Variants in IQSEC1 observed in about 807,000 individuals in gnomAD.
IQSEC1 encodes IQ motif and Sec7 domain ArfGEF 1, also known as IQ motif and SEC7 domain-containing protein 1.
In IQSEC1, 31 loss-of-function variants were observed where a neutral mutation model predicts 91.0. That is an observed-to-expected ratio of 0.34 (90% CI 0.26 to 0.46). The LOEUF is 0.46. Among genes scored for constraint, IQSEC1 ranks in the 20% least tolerant of loss-of-function variants. The pLI is 1.00. For synonymous variants in IQSEC1, 699 were observed against 662.6 expected (o/e 1.05, Z -0.84); for missense variants, 1,388 against 1,575.6 (o/e 0.88, Z 2.02).
At chr3:13,192,254 C>T (rs1172834512) in intron 1 of IQSEC1, among the ~76,000 whole-genome samples, 3 of 151,184 alleles carry the variant, frequency 2.0e-5, no homozygotes, top group East Asian at 2.0e-4. Context: ...AGGAAAATGG[C>T]GTGACCCCGG....
chr3:13,083,636 G>T (rs1476840263), intron 2 of IQSEC1, among the ~76,000 whole-genome samples: 1 of 152,282 alleles, frequency 6.6e-6, no homozygotes, highest in East Asian at 1.9e-4. Flanking sequence ...CTGGCCTGTG[G>T]CCGCAGGGTC....
At chr3:12,997,044 T>C (rs1452933406) in intron 1 of IQSEC1, among the ~76,000 whole-genome samples, 2 of 152,194 alleles carry the variant, frequency 1.3e-5, no homozygotes, top group African/African-American at 4.8e-5. Context: ...CAGCACTGTG[T>C]GTACCAGTAA....
In IQSEC1 at chr3:12,935,942, C is replaced by T; in HGVS notation, c.1074G>A (p.Leu358=). The T allele has an allele frequency of 6.3e-7, 1 of 1,598,536 alleles. No homozygotes were observed. Among genetic ancestry groups the T allele is most frequent in the African/African-American group, 1.3e-5 (1 of 75,034 alleles). The change falls in exon 3 of 14, where the codon CTG becomes CTA. Residue 358 remains leucine (L), a synonymous_variant. Coordinates refer to ENST00000613206, the MANE Select transcript of IQSEC1 (RefSeq NM_001134382.3). The surrounding 1 kb of genome is among the most constrained non-coding windows in gnomAD (Gnocchi z 8.0). ...TGAGCAGCGGCAGATGCTCCACCCG[C>T]AGCCGCTGCTCCTGCCGCTCCAGCG... ...TPSLERQEQR[L]RVEHLPLLTI...
chr3:13,118,409 A>G (rs965642565), intron 2 of IQSEC1, among the ~76,000 whole-genome samples: 2 of 152,206 alleles, frequency 1.3e-5, no homozygotes, highest in African/African-American at 4.8e-5. Flanking sequence ...GAAAACAGCC[A>G]AAGTGACCAT....
chr3:13,180,107 TG>T (rs1559271349), intron 1 of IQSEC1, among the ~76,000 whole-genome samples: 4 of 31,470 alleles, frequency 1.3e-4, no homozygotes, highest in Admixed American at 3.1e-4. Context: ...TGCAGGTGCA[TG>T]GTGCGGGACT....
At chr3:13,036,525 CTGCACTG>C (rs919669648) in intron 1 of IQSEC1, among the ~76,000 whole-genome samples, 20 of 152,328 alleles carry the variant, frequency 1.3e-4, no homozygotes, top group Admixed American at 1.3e-4. Flanking sequence ...GACTTCAGAA[CTGCACTG>C]TCCCCTCAAG....
At chr3:13,087,504 G>A (rs546927468) in intron 2 of IQSEC1, among the ~76,000 whole-genome samples, 356 of 152,284 alleles carry the variant, frequency 2.3e-3, no homozygotes, top group African/African-American at 8.3e-3. Flanking sequence ...GGAGGAGACC[G>A]TGAATCAATC....
intron 1 of IQSEC1, among the ~76,000 whole-genome samples, chr3:12,971,548 T>G (rs1700896756): frequency 6.6e-6 from 1 of 152,188 alleles, no homozygotes; most frequent in East Asian, 1.9e-4. Context: ...GGAAAAGATC[T>G]GAGACACAAC....
chr3:13,176,458 C>T (rs1693731701), intron 1 of IQSEC1, among the ~76,000 whole-genome samples: 1 of 152,220 alleles, frequency 6.6e-6, no homozygotes, highest in African/African-American at 2.4e-5. Context: ...AGCCTCTGCT[C>T]CACCCCATTT....
intron 1 of IQSEC1, among the ~76,000 whole-genome samples, chr3:13,051,010 T>G (rs148180826): frequency 6.6e-6 from 1 of 152,228 alleles, no homozygotes; most frequent in Non-Finnish European, 1.5e-5. Context: ...CTCAGAGAGG[T>G]GCAGCAACGA....
At chr3:13,188,125 G>C (rs1335497788) in intron 1 of IQSEC1, among the ~76,000 whole-genome samples, 1 of 152,162 alleles carries the variant, frequency 6.6e-6, no homozygotes, top group Non-Finnish European at 1.5e-5. Flanking sequence ...TTAGACCTCT[G>C]GTAGGACCTG....
At position 12,924,562 on chromosome 3, in the gene IQSEC1, AC is replaced by A. The variant is rs1696944700; in HGVS notation, c.1730+18del. 2 of 1,561,270 alleles carry A rather than the reference AC, an allele frequency of 1.3e-6. No homozygotes were observed. The highest frequency in any genetic ancestry group is 8.7e-7 in the Non-Finnish European group (1 of 1,146,976). ...CGTGTGTGGAATCAGGTCCCCCACCACCCCCATGCAGAACTTACTCGAGCAC... is the reference window on the plus strand; with the variant it reads ...CGTGTGTGGAATCAGGTCCCCCACCACCCCATGCAGAACTTACTCGAGCAC... On this transcript the variant is annotated intron_variant, in intron 4 of 13. Transcript: ENST00000613206. The surrounding 1 kb of genome is among the most constrained non-coding windows in gnomAD (Gnocchi z 6.3).
intron 1 of IQSEC1, among the ~76,000 whole-genome samples, chr3:13,067,501 A>G (rs1705275239): frequency 6.6e-6 from 1 of 152,222 alleles, no homozygotes; most frequent in African/African-American, 2.4e-5. Flanking sequence ...GGCAGTGACC[A>G]ACACATTCCA....
chr3:12,953,740 C>T (rs1199281144), intron 1 of IQSEC1, among the ~76,000 whole-genome samples: 1 of 152,196 alleles, frequency 6.6e-6, no homozygotes, highest in African/African-American at 2.4e-5. Flanking sequence ...CTCTGTACAG[C>T]TCCGTCAGGC....
chr3:13,134,807 T>C (rs947294776), intron 2 of IQSEC1, among the ~76,000 whole-genome samples: 7 of 152,062 alleles, frequency 4.6e-5, no homozygotes, highest in Admixed American at 4.6e-4. Flanking sequence ...AGCTGAGACC[T>C]CCCTGAAGCA....
chr3:13,232,803 T>C (rs945208826), intron 1 of IQSEC1, among the ~76,000 whole-genome samples: 3 of 152,168 alleles, frequency 2.0e-5, no homozygotes, highest in Admixed American at 2.0e-4. Context: ...TGGAATCGAA[T>C]CCAACCATGA....
At chr3:13,277,218 G>A (rs1695704095) in intron 1 of IQSEC1, among the ~76,000 whole-genome samples, 2 of 149,970 alleles carry the variant, frequency 1.3e-5, no homozygotes, top group Non-Finnish European at 3.0e-5. Context: ...CCACCCAGCT[G>A]GCAAAAAACG....
At chr3:13,054,052 G>A (rs561474703) in intron 1 of IQSEC1, among the ~76,000 whole-genome samples, 1 of 152,130 alleles carries the variant, frequency 6.6e-6, no homozygotes, top group African/African-American at 2.4e-5. Context: ...TGTGTTTCTC[G>A]GTCTGGAAGC....
rs550988458 is a variant in IQSEC1, at chr3:13,136,130, C to A, written c.302+27974G>T. On this transcript the variant is annotated intron_variant, in intron 2 of 15. Coordinates refer to the IQSEC1 transcript ENST00000648114. ...TGGAAAAAGCAGGGGAGGGAGAAGA[C>A]ACAGAATAGAAACTTGGCTGAGGGC... Among the ~76,000 whole-genome samples the A allele has an allele frequency of 4.6e-5, 7 of 152,304 alleles. No individual in the cohort carries two copies. The South Asian group carries it at 1.2e-3, about 27-fold the overall frequency.
Sources: allele counts gnomAD v4.1 joint callset (sites outside exome capture counted in the v4.1 genomes callset), GRCh38; gene constraint gnomAD v4.1.1; non-coding constraint Gnocchi (gnomAD v3.1); transcripts MANE v1.5; gene names NCBI Gene and HGNC (gene_info 2026-07-23, HGNC 2026-07-21).